The following PGR variants were observed in gnomAD, a reference collection of about 807,000 sequenced individuals.
PGR encodes the protein nuclear receptor subfamily 3 group C member 3.
PGR carries 25 observed loss-of-function variants against 76.1 expected under a neutral mutation model. The ratio of observed to expected loss-of-function variants is 0.33; its 90% CI spans 0.24 to 0.46. PGR has a LOEUF of 0.46. Ranked by LOEUF, PGR falls within the 20% of genes least tolerant of loss-of-function variation. The pLI, the probability that PGR is intolerant of heterozygous loss-of-function variation, is 1.00. For missense variants in PGR, 1,172 were observed against 1,225.3 expected, an observed-to-expected ratio of 0.96 and a Z score of 0.65; for synonymous variants, 579 against 535.0, an observed-to-expected ratio of 1.08 and a Z score of -1.14.
chr11:101,043,398 T>C (rs498370), intron 6 of PGR, among the ~76,000 whole-genome samples: 48,752 of 152,084 alleles, frequency 0.32, 8,984 homozygotes, highest in African/African-American at 0.52. Flanking sequence ...TCTTTTCACA[T>C]ATCTGTAGTT....
At chr11:101,064,421 A>C (rs1400629997) in intron 3 of PGR, among the ~76,000 whole-genome samples, 1 of 150,632 alleles carries the variant, frequency 6.6e-6, no homozygotes, top group Non-Finnish European at 1.5e-5. Flanking sequence ...AAAACAAAAC[A>C]ATTGCCATGG....
At chr11:101,071,428 G>C (rs375128348) in intron 3 of PGR, among the ~76,000 whole-genome samples, 22 of 152,046 alleles carry the variant, frequency 1.4e-4, no homozygotes, top group African/African-American at 5.1e-4. Flanking sequence ...TCCTCCAAAA[G>C]ATCACAACTC....
intron 4 of PGR, among the ~76,000 whole-genome samples, chr11:101,051,965 T>A (rs1004439264): frequency 6.6e-6 from 1 of 151,808 alleles, no homozygotes; most frequent in Non-Finnish European, 1.5e-5. Flanking sequence ...AGTGCTGGGG[T>A]AGAGAAGGTT....
intron 3 of PGR, among the ~76,000 whole-genome samples, chr11:101,088,303 C>T (rs148441914): frequency 1.7e-4 from 26 of 152,246 alleles, no homozygotes; most frequent in Admixed American, 5.9e-4. Context: ...AGTTCTGCCA[C>T]GGTAGAAATT....
At chr11:101,041,177 C>T (rs545838) in intron 7 of PGR, among the ~76,000 whole-genome samples, 19,265 of 151,750 alleles carry the variant, frequency 0.13, 1,602 homozygotes, top group African/African-American at 0.23. Context: ...TTGCTTTCTG[C>T]CTTTCATTTT....
chr11:101,122,728 CT>C, intron 2 of PGR, among the ~76,000 whole-genome samples: 1 of 152,266 alleles, frequency 6.6e-6, no homozygotes, highest in South Asian at 2.1e-4. Flanking sequence ...TATCTCTTCT[CT>C]CTTCTGTCTC....
In PGR at chr11:101,120,846, C is replaced by A. The variant is rs536629928; in HGVS notation, c.1789+5161G>T. ...AATTAAAGTACAATGATTCAGTGGC[C>A]AGAACAGGAGCAGTTATTAGCACTA... On this transcript the variant is annotated intron_variant, in intron 2 of 7. Coordinates refer to ENST00000325455, the MANE Select transcript of PGR (RefSeq NM_000926.4). 2.6e-4 allele frequency among the ~76,000 whole-genome samples: 39 copies of A among 152,192 alleles called. 1 individual carries two copies. The South Asian group carries it at 7.0e-3, about 27-fold the overall frequency.
At chr11:101,095,387 T>G (rs1861804010) in intron 2 of PGR, among the ~76,000 whole-genome samples, 1 of 152,090 alleles carries the variant, frequency 6.6e-6, no homozygotes, top group Non-Finnish European at 1.5e-5. Flanking sequence ...TATCCACAAA[T>G]AAAAATAATA....
At chr11:101,084,121 T>C (rs781684465) in intron 3 of PGR, among the ~76,000 whole-genome samples, 2 of 152,124 alleles carry the variant, frequency 1.3e-5, no homozygotes, top group African/African-American at 4.8e-5. Context: ...TCCCAAGATA[T>C]AATGATTTAA....
intron 3 of PGR, among the ~76,000 whole-genome samples, chr11:101,080,684 G>C (rs143148918): frequency 1.3e-5 from 2 of 152,162 alleles, no homozygotes; most frequent in Non-Finnish European, 2.9e-5. Flanking sequence ...AGCATGGATT[G>C]CAAGGAAGTT....
At chr11:101,049,319 G>A (rs575003459) in intron 6 of PGR, among the ~76,000 whole-genome samples, 3 of 151,938 alleles carry the variant, frequency 2.0e-5, no homozygotes, top group South Asian at 4.2e-4. Flanking sequence ...GCTGTTTTGC[G>A]GTTAACTTAA....
chr11:101,101,087 T>C (rs1861983427), intron 2 of PGR, among the ~76,000 whole-genome samples: 1 of 152,144 alleles, frequency 6.6e-6, no homozygotes. Context: ...GGGCAGGAAA[T>C]GTGCAAGTTG....
At chr11:101,101,840 A>T (rs1003017528) in intron 2 of PGR, among the ~76,000 whole-genome samples, 1 of 152,228 alleles carries the variant, frequency 6.6e-6, no homozygotes, top group African/African-American at 2.4e-5. Flanking sequence ...TTAAAACATT[A>T]TGAGTTTTAA....
In PGR at chr11:101,032,137, C is replaced by T. The variant is rs536626597; in HGVS notation, c.*6979G>A. ...ATTAGACATCTGGCCTTGTGTTTGA[C>T]AATTTATATGGTGTATTTCATCTCC... On this transcript the variant is annotated 3_prime_UTR_variant, in exon 8 of 8. Coordinates refer to ENST00000325455, the MANE Select transcript of PGR (RefSeq NM_000926.4). 6.9e-5 allele frequency: 16 copies of T among 232,828 alleles called. No individual in the cohort carries two copies. The highest frequency in any genetic ancestry group is 1.3e-4 in the Non-Finnish European group (15 of 117,816). 14.4% of individuals were successfully genotyped at this position (232,828 alleles called of 1,614,324 possible).
At chr11:101,051,209 T>C (rs1234436151) in intron 5 of PGR, among the ~76,000 whole-genome samples, 1 of 152,112 alleles carries the variant, frequency 6.6e-6, no homozygotes, top group African/African-American at 2.4e-5. Flanking sequence ...TTAAATATAT[T>C]TCTTGATACA....
At chr11:101,126,820 C>T (rs1336823591) in intron 1 of PGR, among the ~76,000 whole-genome samples, 1 of 152,170 alleles carries the variant, frequency 6.6e-6, no homozygotes, top group Non-Finnish European at 1.5e-5. Context: ...AATGCAGTGA[C>T]AGGCGTTTAA....
At chr11:101,061,533 AAGT>A (rs1198624801) in intron 4 of PGR, among the ~76,000 whole-genome samples, 2 of 152,182 alleles carry the variant, frequency 1.3e-5, no homozygotes, top group Admixed American at 1.3e-4. Flanking sequence ...CTTTTTCTAA[AAGT>A]GCCATTGAAT....
chr11:101,093,748 C>T (rs1275697767), intron 2 of PGR, among the ~76,000 whole-genome samples: 1 of 152,152 alleles, frequency 6.6e-6, no homozygotes, highest in South Asian at 2.1e-4. Flanking sequence ...CATGAGCCAC[C>T]ACGCCCACCA....
At chr11:101,081,254 C>G (rs1861296409) in intron 3 of PGR, among the ~76,000 whole-genome samples, 2 of 151,830 alleles carry the variant, frequency 1.3e-5, no homozygotes, top group South Asian at 4.2e-4. Flanking sequence ...ACGGTGAAAC[C>G]CTGACTCTAC....
Sources: allele counts gnomAD v4.1 joint callset (sites outside exome capture counted in the v4.1 genomes callset), GRCh38; gene constraint gnomAD v4.1.1; transcripts MANE v1.5; gene names NCBI Gene and HGNC (gene_info 2026-07-23, HGNC 2026-07-21).